Variants in SYN3 observed in about 807,000 individuals in gnomAD.
The protein encoded by SYN3 is synapsin III, also known as synapsin-3.
Under a neutral mutation model 65.8 loss-of-function variants are expected in SYN3, and 35 were observed. The ratio of observed to expected loss-of-function variants is 0.53; its 90% CI spans 0.41 to 0.70. The LOEUF (loss-of-function observed/expected upper bound fraction) is 0.70. Among genes scored for constraint, SYN3 ranks in the 30% least tolerant of loss-of-function variants. The pLI is 0.00. For missense variants in SYN3, 680 were observed against 749.0 expected (o/e 0.91, Z 1.08); for synonymous variants, 270 against 292.9 (o/e 0.92, Z 0.80).
In SYN3 at chr22:32,762,444, T is replaced by A. The variant is rs564520953; in HGVS notation, c.711+102471A>T. Among the ~76,000 whole-genome samples, 84 of 152,314 alleles carry A rather than the reference T, an allele frequency of 5.5e-4. 1 individual carries two copies. The highest frequency in any genetic ancestry group is 1.7e-3 in the African/African-American group (71 of 41,568). ...GTGGGAACAACAAACAAACAGAAAA[T>A]GTCTTTCTCTTTGTTATAACACATC... On this transcript the variant is annotated intron_variant, in intron 6 of 13. Coordinates refer to ENST00000358763, the MANE Select transcript of SYN3 (RefSeq NM_003490.4).
At position 32,912,969 on chromosome 22, in the gene SYN3, G is replaced by A. The variant is rs951170994; in HGVS notation, c.461+18421C>T. On this transcript the variant is annotated intron_variant, in intron 4 of 13. Transcript: ENST00000358763. ...ATAGACTAAATAACACTAAGAATGA[G>A]CCCCAGTGTCAACTAGGGACTTTGG... Among the ~76,000 whole-genome samples the A allele has an allele frequency of 2.6e-5, 4 of 152,206 alleles. No individual in the cohort carries two copies. In the East Asian group the frequency reaches 7.7e-4, roughly 29 times the overall value.
intron 4 of SYN3, among the ~76,000 whole-genome samples, chr22:32,905,509 C>T (rs12170951): frequency 0.056 from 8,462 of 152,356 alleles, 259 homozygotes; most frequent in Middle Eastern, 0.099. Context: ...GACACAGTTA[C>T]GCTCTGAGCA....
intron 6 of SYN3, among the ~76,000 whole-genome samples, chr22:32,836,762 C>T (rs547207401): frequency 3.1e-4 from 47 of 152,264 alleles, no homozygotes; most frequent in African/African-American, 1.1e-3. Flanking sequence ...CACAACCTTA[C>T]AGAATGAAGC....
At position 32,541,556 on chromosome 22, in the gene SYN3, G is replaced by A. The variant is rs368619954; in HGVS notation, c.917+15C>T. ...TTCCTCCCACACTCCCCCAGCCCCTGCCCCAGAGACTCACATGTAAGCCTT... is the reference window on the plus strand; with the variant it reads ...TTCCTCCCACACTCCCCCAGCCCCTACCCCAGAGACTCACATGTAAGCCTT... On this transcript the variant is annotated intron_variant, in intron 8 of 13. Coordinates refer to ENST00000358763, the MANE Select transcript of SYN3 (RefSeq NM_003490.4). The A allele has an allele frequency of 6.2e-7, 1 of 1,613,866 alleles. No homozygotes were observed. The highest frequency in any genetic ancestry group is 8.5e-7 in the Non-Finnish European group (1 of 1,179,840).
chr22:32,922,164 G>A (rs1037545671), intron 4 of SYN3, among the ~76,000 whole-genome samples: 3 of 152,154 alleles, frequency 2.0e-5, no homozygotes, highest in Non-Finnish European at 2.9e-5. Flanking sequence ...GTCGTTGTTC[G>A]ATTGTACTCT....
chr22:32,994,576 A>C (rs1343444401), intron 2 of SYN3, among the ~76,000 whole-genome samples: 1 of 152,182 alleles, frequency 6.6e-6, no homozygotes, highest in East Asian at 1.9e-4. Flanking sequence ...GGAGAGAGGC[A>C]CAAGGATTTT....
chr22:32,770,346 A>G (rs5994622), intron 6 of SYN3, among the ~76,000 whole-genome samples: 23,157 of 152,044 alleles, frequency 0.15, 1,844 homozygotes, highest in Middle Eastern at 0.2. Context: ...CTTCTGCTCA[A>G]TGCTCTGCAA....
intron 6 of SYN3, among the ~76,000 whole-genome samples, chr22:32,681,290 G>A (rs2060519184): frequency 1.3e-5 from 2 of 151,444 alleles, no homozygotes; most frequent in South Asian, 2.1e-4. Flanking sequence ...TACTGGCATC[G>A]AGTTAGTAGA....
intron 6 of SYN3, among the ~76,000 whole-genome samples, chr22:32,771,453 C>T (rs1053122425): frequency 6.6e-5 from 10 of 152,216 alleles, no homozygotes; most frequent in African/African-American, 2.2e-4. Flanking sequence ...TGGCCCCTGC[C>T]CAGGCTGGTG....
intron 3 of SYN3, among the ~76,000 whole-genome samples, chr22:32,937,401 A>G (rs2050803615): frequency 6.6e-6 from 1 of 152,236 alleles, no homozygotes; most frequent in Non-Finnish European, 1.5e-5. Context: ...ACCTGAGCCT[A>G]GGTAGTCTAT....
intron 9 of SYN3, 114 bp downstream of exon 9, chr22:32,537,922 G>A: frequency 1.2e-6 from 1 of 845,318 alleles, no homozygotes; most frequent in Non-Finnish European, 2.0e-6. Context: ...CTCTGTGGAT[G>A]GTGAGGCACT....
chr22:32,793,418 A>C (rs1400890841), intron 6 of SYN3, among the ~76,000 whole-genome samples: 1 of 152,196 alleles, frequency 6.6e-6, no homozygotes, highest in Non-Finnish European at 1.5e-5. Flanking sequence ...GTTCCTAAAC[A>C]ACTCCCTGCT....
chr22:32,664,356 G>C (rs2060259219), intron 6 of SYN3, among the ~76,000 whole-genome samples: 1 of 152,110 alleles, frequency 6.6e-6, no homozygotes, highest in South Asian at 2.1e-4. Context: ...GCCAGCACTT[G>C]GTTAAAAGTA....
At chr22:32,717,400 T>TC (rs2147273895) in intron 6 of SYN3, among the ~76,000 whole-genome samples, 1 of 152,290 alleles carries the variant, frequency 6.6e-6, no homozygotes, top group African/African-American at 2.4e-5. Flanking sequence ...ATCGGGTGAA[T>TC]GAGGCCCCAG....
chr22:32,910,235 A>T (rs1255363359), intron 4 of SYN3, among the ~76,000 whole-genome samples: 1 of 152,180 alleles, frequency 6.6e-6, no homozygotes, highest in East Asian at 1.9e-4. Context: ...TTTTCTGGAA[A>T]CATTTTTACT....
intron 6 of SYN3, among the ~76,000 whole-genome samples, chr22:32,735,838 T>C (rs2061330903): frequency 6.6e-6 from 1 of 152,228 alleles, no homozygotes; most frequent in Admixed American, 6.5e-5. Flanking sequence ...CACTCCAGCC[T>C]GCACCCTTAT....
intron 6 of SYN3, among the ~76,000 whole-genome samples, chr22:32,665,949 A>T (rs1447415133): frequency 6.6e-6 from 1 of 152,156 alleles, no homozygotes; most frequent in Non-Finnish European, 1.5e-5. Context: ...CAACGAAATC[A>T]CACACTATAT....
chr22:32,895,897 C>G (rs994563089), intron 4 of SYN3, among the ~76,000 whole-genome samples: 2 of 152,116 alleles, frequency 1.3e-5, no homozygotes, highest in African/African-American at 4.8e-5. Flanking sequence ...TATTTAACCT[C>G]TCTGTGTATA....
chr22:32,605,905 C>T (rs991596961), intron 6 of SYN3, among the ~76,000 whole-genome samples: 5 of 152,180 alleles, frequency 3.3e-5, no homozygotes, highest in African/African-American at 4.8e-5. Flanking sequence ...GGTAAGTCAC[C>T]GACCACTCTG....
Sources: allele counts gnomAD v4.1 joint callset (sites outside exome capture counted in the v4.1 genomes callset), GRCh38; gene constraint gnomAD v4.1.1; transcripts MANE v1.5; gene names NCBI Gene and HGNC (gene_info 2026-07-23, HGNC 2026-07-21).